Variants in RAPGEF5 observed in about 807,000 individuals in gnomAD.
The protein encoded by RAPGEF5 is M-Ras-regulated GEF.
In RAPGEF5, 65 loss-of-function variants were observed where a neutral mutation model predicts 125.2. The observed-to-expected ratio is 0.52, with a 90% confidence interval of 0.43 to 0.64. The LOEUF is 0.64. Ranked by LOEUF, RAPGEF5 falls within the 30% of genes least tolerant of loss-of-function variation. The pLI is 0.00. For missense variants in RAPGEF5, 958 were observed against 1,048.1 expected (o/e 0.91, Z 1.19); for synonymous variants, 391 against 385.9 (o/e 1.01, Z -0.16).
intron 6 of RAPGEF5, among the ~76,000 whole-genome samples, chr7:22,283,043 A>C (rs1325839133): frequency 8.5e-6 from 1 of 117,664 alleles, no homozygotes; most frequent in African/African-American, 4.3e-5. Flanking sequence ...TTCTGTAAAA[A>C]AATACACACA....
At chr7:22,288,599 T>C (rs1782855084) in intron 6 of RAPGEF5, among the ~76,000 whole-genome samples, 1 of 151,946 alleles carries the variant, frequency 6.6e-6, no homozygotes, top group South Asian at 2.1e-4. Flanking sequence ...CTCAGCTCAC[T>C]GCAAGCTCTG....
At chr7:22,131,188 T>C (rs1782905668) in intron 23 of RAPGEF5, 87 bp from the exon 24 acceptor site, 6 of 1,397,140 alleles carry the variant, frequency 4.3e-6, no homozygotes, top group Non-Finnish European at 5.6e-6. Flanking sequence ...ATGCAACTTA[T>C]TCATTTTTCC....
At chr7:22,182,557 G>A (rs188524578) in intron 11 of RAPGEF5, among the ~76,000 whole-genome samples, 3 of 152,166 alleles carry the variant, frequency 2.0e-5, no homozygotes, top group East Asian at 1.9e-4. Flanking sequence ...CTACTAAAGC[G>A]CAATATTAAA....
At chr7:22,140,730 T>C (rs1783231440) in intron 20 of RAPGEF5, among the ~76,000 whole-genome samples, 1 of 152,214 alleles carries the variant, frequency 6.6e-6, no homozygotes, top group East Asian at 1.9e-4. Context: ...CCACTCTGCA[T>C]AACATCAATC....
intron 1 of RAPGEF5, among the ~76,000 whole-genome samples, chr7:22,332,882 A>T (rs1388869275): frequency 6.6e-6 from 1 of 152,176 alleles, no homozygotes; most frequent in African/African-American, 2.4e-5. Context: ...CAGACACACA[A>T]TTGGAAGAAC....
At chr7:22,188,642 CGTA>C (rs1784894650) in intron 11 of RAPGEF5, among the ~76,000 whole-genome samples, 1 of 151,424 alleles carries the variant, frequency 6.6e-6, no homozygotes, top group Admixed American at 6.6e-5. Context: ...GGTGCGCATC[CGTA>C]GTCCCAGCTA....
At chr7:22,150,930 A>C (rs1783606590) in intron 17 of RAPGEF5, among the ~76,000 whole-genome samples, 1 of 152,240 alleles carries the variant, frequency 6.6e-6, no homozygotes, top group African/African-American at 2.4e-5. Flanking sequence ...ATGCATATGC[A>C]TTTATAACTA....
chr7:22,294,924 A>G lies in RAPGEF5; in HGVS notation c.681-3683T>C, dbSNP rs1303164852. On this transcript the variant is annotated intron_variant, in intron 5 of 25. Coordinates refer to ENST00000665637, the MANE Select transcript of RAPGEF5 (RefSeq NM_012294.5). ...ACTTAAAAATATGTAATTAACAAAG[A>G]TATCTATTCAAGGTGTGCCACATGA... is the stretch of plus-strand genomic sequence containing the variant. Among the ~76,000 whole-genome samples the G allele has an allele frequency of 2.0e-5, 3 of 152,264 alleles. No individual in the cohort carries two copies. The East Asian group carries it at 5.8e-4, about 29-fold the overall frequency.
intron 7 of RAPGEF5, among the ~76,000 whole-genome samples, chr7:22,250,693 T>C (rs759059696): frequency 2.6e-5 from 4 of 152,100 alleles, no homozygotes; most frequent in Non-Finnish European, 5.9e-5. Context: ...AGATTTTTAC[T>C]AGGAAAAAAG....
chr7:22,141,407 G>A (rs1783256283), intron 20 of RAPGEF5, among the ~76,000 whole-genome samples: 1 of 152,220 alleles, frequency 6.6e-6, no homozygotes, highest in Non-Finnish European at 1.5e-5. Context: ...CATAGTGTAT[G>A]AGATGACCTA....
intron 1 of RAPGEF5, among the ~76,000 whole-genome samples, chr7:22,354,221 C>A (rs1001153017): frequency 3.3e-5 from 5 of 152,224 alleles, no homozygotes; most frequent in Non-Finnish European, 7.3e-5. Context: ...AAGGACCACA[C>A]ATATTCCTAA....
chr7:22,337,679 G>A (rs922482622), intron 1 of RAPGEF5, among the ~76,000 whole-genome samples: 2 of 150,028 alleles, frequency 1.3e-5, no homozygotes, highest in African/African-American at 4.9e-5. Context: ...AGTTGGTTAG[G>A]TCAGATCTCT....
intron 14 of RAPGEF5, among the ~76,000 whole-genome samples, chr7:22,158,378 C>T (rs373299534): frequency 4.6e-5 from 7 of 152,130 alleles, no homozygotes; most frequent in African/African-American, 7.2e-5. Flanking sequence ...TGATCATCTC[C>T]GCAGATGCCC....
At chr7:22,264,247 G>C (rs887547232) in intron 7 of RAPGEF5, among the ~76,000 whole-genome samples, 1 of 152,090 alleles carries the variant, frequency 6.6e-6, no homozygotes, top group Non-Finnish European at 1.5e-5. Flanking sequence ...TTGGATTATA[G>C]AGTTACTGGA....
intron 5 of RAPGEF5, among the ~76,000 whole-genome samples, chr7:22,305,216 T>C (rs1274973613): frequency 2.0e-5 from 3 of 152,200 alleles, no homozygotes; most frequent in Non-Finnish European, 2.9e-5. Flanking sequence ...ATAGTACCTG[T>C]CTTATAACAT....
chr7:22,276,614 C>T (rs141251648), intron 6 of RAPGEF5, among the ~76,000 whole-genome samples: 17 of 152,280 alleles, frequency 1.1e-4, no homozygotes, highest in Admixed American at 2.0e-4. Context: ...AGAAATTCTA[C>T]GCATAAAAAC....
chr7:22,233,981 C>A (rs1387942762), intron 7 of RAPGEF5, among the ~76,000 whole-genome samples: 1 of 152,172 alleles, frequency 6.6e-6, no homozygotes, highest in East Asian at 1.9e-4. Context: ...AATGGACAAA[C>A]TCTCAAAGTT....
At position 22,150,364 on chromosome 7, in the gene RAPGEF5, C is replaced by T. The variant is rs752310963; in HGVS notation, c.1884+43G>A. On this transcript the variant is annotated intron_variant, in intron 18 of 25. Coordinates refer to ENST00000665637, the MANE Select transcript of RAPGEF5 (RefSeq NM_012294.5). ...CTCAGATTACAGGTATGAGCCACCT[C>T]GCCTGGCCTGTTTGTTTCAAATACA... 7.6e-6 allele frequency: 12 copies of T among 1,583,636 alleles called. No homozygotes were observed. In the African/African-American group the frequency reaches 8.2e-5, roughly 11 times the overall value.
At position 22,319,036 on chromosome 7, in the gene RAPGEF5, G is replaced by A. The variant is rs1583576039; in HGVS notation, c.232-999C>T. On this transcript the variant is annotated intron_variant, in intron 1 of 25. Coordinates refer to ENST00000665637, the MANE Select transcript of RAPGEF5 (RefSeq NM_012294.5). ...TAACTGTATGAACTTAATATTATTT[G>A]CTGAATGATTTGAATTGTAGGAGCT... is the stretch of plus-strand genomic sequence containing the variant. Among the ~76,000 whole-genome samples, 3 of 152,088 alleles carry A rather than the reference G, an allele frequency of 2.0e-5. No individual in the cohort carries two copies. The South Asian group carries it at 6.2e-4, about 32-fold the overall frequency.
Sources: gnomAD v4.1 joint callset for allele counts (sites outside exome capture counted in the v4.1 genomes callset) on GRCh38, gnomAD v4.1.1 for gene constraint, MANE v1.5 for transcripts, NCBI Gene and HGNC (gene_info 2026-07-23, HGNC 2026-07-21) for gene names.